Variants in ZNF609 observed in about 807,000 individuals in gnomAD.
ZNF609 encodes zinc finger protein 609.
In ZNF609, 11 loss-of-function variants were observed where a neutral mutation model predicts 109.5. That is an observed-to-expected ratio of 0.10 (90% CI 0.06 to 0.17). The LOEUF (loss-of-function observed/expected upper bound fraction) is 0.17. Among genes scored for constraint, ZNF609 ranks in the 10% least tolerant of loss-of-function variants. The pLI is 1.00. For missense variants in ZNF609, 1,559 were observed against 1,772.4 expected (o/e 0.88, Z 2.16); for synonymous variants, 646 against 662.0 (o/e 0.98, Z 0.37).
At chr15:64,612,296 C>T (rs532583944) in intron 2 of ZNF609, among the ~76,000 whole-genome samples, 20 of 151,762 alleles carry the variant, frequency 1.3e-4, no homozygotes, top group Middle Eastern at 3.4e-3. Flanking sequence ...TACAGGTGCC[C>T]GCCACCACGC....
intron 3 of ZNF609, among the ~76,000 whole-genome samples, chr15:64,646,054 A>G (rs1896329213): frequency 6.6e-6 from 1 of 152,214 alleles, no homozygotes; most frequent in African/African-American, 2.4e-5. Context: ...AGAATGGAAA[A>G]CAGATGTTCA....
At chr15:64,663,077 A>G (rs1896602382) in intron 3 of ZNF609, among the ~76,000 whole-genome samples, 1 of 152,266 alleles carries the variant, frequency 6.6e-6, no homozygotes, top group South Asian at 2.1e-4. Flanking sequence ...TTATACAGAG[A>G]AATGATAGGA....
intron 1 of ZNF609, among the ~76,000 whole-genome samples, chr15:64,487,364 G>A (rs1370460245): frequency 6.6e-6 from 1 of 152,058 alleles, no homozygotes; most frequent in East Asian, 1.9e-4. Context: ...CTTGTTCATA[G>A]GTATTTATTT....
At chr15:64,590,080 GTCC>G (rs1281856371) in intron 2 of ZNF609, among the ~76,000 whole-genome samples, 11 of 152,076 alleles carry the variant, frequency 7.2e-5, no homozygotes, top group Non-Finnish European at 1.2e-4. Flanking sequence ...ACTGCACATG[GTCC>G]TCATTTATGA....
chr15:64,492,768 T>G (rs1893431987), intron 1 of ZNF609, among the ~76,000 whole-genome samples: 2 of 152,174 alleles, frequency 1.3e-5, no homozygotes, highest in Non-Finnish European at 2.9e-5. Context: ...AATGAGAAAA[T>G]ACTTAATGAA....
Position 64,678,124 on chromosome 15 carries a change from G to A in ZNF609, c.3411G>A (p.Glu1137=). Residue 1137 remains glutamate (E), a synonymous_variant, in exon 6 of 10, where the codon GAG becomes GAA. Transcript: ENST00000326648. The part of the protein sequence containing the change: ...DPILWYRQEA[E]PRMWTYVYPA... ...TTCTGTGATTGTTGTAGGAGGCAGA[G>A]CCCCGGATGTGGACATATGTTTATC... The A allele has an allele frequency of 6.2e-7, 1 of 1,612,650 alleles. No individual in the cohort carries two copies. The highest frequency in any genetic ancestry group is 8.5e-7 in the Non-Finnish European group (1 of 1,179,276).
At chr15:64,599,261 C>G (rs537898) in intron 2 of ZNF609, among the ~76,000 whole-genome samples, 1 of 130,454 alleles carries the variant, frequency 7.7e-6, no homozygotes, top group Non-Finnish European at 1.5e-5. Flanking sequence ...GCATTAATCT[C>G]TGCACCCTCC....
At position 64,683,408 on chromosome 15, in the gene ZNF609, A is replaced by C. The variant is rs1001670280; in HGVS notation, c.*1722A>C. The C allele has an allele frequency of 1.3e-5, 2 of 152,664 alleles. No homozygotes were observed. The highest frequency in any genetic ancestry group is 2.4e-5 in the African/African-American group (1 of 41,450). 9.5% of individuals were successfully genotyped at this position (152,664 alleles called of 1,614,324 possible). On this transcript the variant is annotated 3_prime_UTR_variant, in exon 10 of 10. Coordinates refer to ENST00000326648, the MANE Select transcript of ZNF609 (RefSeq NM_015042.2). Reference sequence around the variant, plus strand: ...TACACTTGAGAGGCTTAGGGTCACCATCTGCTCAAGAGGATCCCCTCTGAT... The same window carrying C: ...TACACTTGAGAGGCTTAGGGTCACCCTCTGCTCAAGAGGATCCCCTCTGAT...
intron 7 of ZNF609, 74 bp from the exon 8 acceptor site, chr15:64,680,572 T>TGC: frequency 7.5e-7 from 1 of 1,325,148 alleles, no homozygotes; most frequent in South Asian, 1.3e-5. Flanking sequence ...TGTGTGTGTG[T>TGC]GTGTGTGTGT....
At position 64,681,346 on chromosome 15, in the gene ZNF609, C is replaced by T; in HGVS notation, c.4200C>T (p.Gly1400=). 2 of 1,614,128 alleles carry T rather than the reference C, an allele frequency of 1.2e-6. No individual in the cohort carries two copies. Among genetic ancestry groups the T allele is most frequent in the South Asian group, 1.1e-5 (1 of 91,084 alleles). ...SSTAIVASQQ[G]STPSLYPPPR... is the part of the protein sequence containing the mutation. ...CAGCCATTGTTGCCAGCCAACAAGG[C>T]TCAACTCCCTCACTCTACCCACCCC... Residue 1400 remains glycine (G), a synonymous_variant, in exon 9 of 10, where the codon GGC becomes GGT. Transcript: ENST00000326648.
Position 64,675,303 on chromosome 15 carries a change from A to C in ZNF609, c.2449A>C (p.Thr817Pro). The C allele has an allele frequency of 6.2e-7, 1 of 1,613,852 alleles. No individual in the cohort carries two copies. Among genetic ancestry groups the C allele is most frequent in the Non-Finnish European group, 8.5e-7 (1 of 1,179,972 alleles). The change falls in exon 5 of 10, where the codon ACC becomes CCC. Residue 817 changes from threonine (T) to proline (P), a missense_variant. Thr to Pro is a conservative substitution (Grantham distance 38). Coordinates refer to ENST00000326648, the MANE Select transcript of ZNF609 (RefSeq NM_015042.2). ...IGGSSRLENT[T>P]PTQPLTPLHV... ...AGGCAGTAGCCGCCTTGAAAACACT[A>C]CCCCTACTCAGCCCCTGACTCCCTT...
chr15:64,669,473 A>G (rs1422879573), intron 3 of ZNF609, among the ~76,000 whole-genome samples: 1 of 152,220 alleles, frequency 6.6e-6, no homozygotes, highest in Non-Finnish European at 1.5e-5. Flanking sequence ...ATATTTGCAT[A>G]TATACATATA....
At chr15:64,613,327 A>G (rs1161230481) in intron 2 of ZNF609, among the ~76,000 whole-genome samples, 1 of 152,036 alleles carries the variant, frequency 6.6e-6, no homozygotes, top group Admixed American at 6.6e-5. Context: ...AACGAAGAAG[A>G]AGAAGAAAGA....
chr15:64,638,956 G>A (rs78323762), intron 3 of ZNF609, among the ~76,000 whole-genome samples: 7,695 of 151,846 alleles, frequency 0.051, 269 homozygotes, highest in African/African-American at 0.095. Context: ...TTCTCAATCA[G>A]CATGTTCAAG....
rs756124345 is a variant in ZNF609, at chr15:64,673,977, A to G, written c.1123A>G (p.Met375Val). Reference sequence around the variant, plus strand: ...CAATGGCCGGGGTAGAGGCAAACGCATGCGTCCCAACAGTAATACACCTGT... The same window carrying G: ...CAATGGCCGGGGTAGAGGCAAACGCGTGCGTCCCAACAGTAATACACCTGT... ...MRNGRGRGKR[M>V]RPNSNTPVNE... Residue 375 changes from methionine to valine, a missense_variant, in exon 5 of 10, where the codon ATG (methionine) becomes GTG (valine). Physicochemically the swap from Met to Val is conservative, Grantham distance 21 (BLOSUM62 1). Around this residue, in one of 4 missense-constraint regions of ZNF609, gnomAD observed 1,204 missense variants for 1,314.1 expected, o/e 0.92. Transcript: ENST00000326648. The G allele has an allele frequency of 6.8e-6, 11 of 1,614,202 alleles. No individual in the cohort carries two copies. Among genetic ancestry groups the G allele is most frequent in the Non-Finnish European group, 9.3e-6 (11 of 1,180,040 alleles).
At chr15:64,672,259 G>A (rs1222240956) in intron 4 of ZNF609, among the ~76,000 whole-genome samples, 2 of 149,064 alleles carry the variant, frequency 1.3e-5, no homozygotes, top group South Asian at 2.1e-4. Context: ...TGATCCTCCC[G>A]CCTCGGCCTC....
At chr15:64,540,573 T>G (rs1349382905) in intron 2 of ZNF609, among the ~76,000 whole-genome samples, 1 of 151,642 alleles carries the variant, frequency 6.6e-6, no homozygotes, top group African/African-American at 2.4e-5. Flanking sequence ...CCCAGCTAAT[T>G]TTTGTATTTT....
At position 64,633,939 on chromosome 15, in the gene ZNF609, A is replaced by G. The variant is rs1431976512; in HGVS notation, c.973+10887A>G. On this transcript the variant is annotated intron_variant, in intron 3 of 9. Coordinates refer to ENST00000326648, the MANE Select transcript of ZNF609 (RefSeq NM_015042.2). ...TACCAATCTCATGCCTCGTATAGCC[A>G]CCGTGCCTGGCCAAGGGTCTGAATG... is the stretch of plus-strand genomic sequence containing the variant. 3.9e-5 allele frequency among the ~76,000 whole-genome samples: 6 copies of G among 152,214 alleles called. No homozygotes were observed. In the East Asian group the frequency reaches 1.2e-3, roughly 29 times the overall value.
chr15:64,516,333 G>A (rs1389207788), intron 2 of ZNF609, among the ~76,000 whole-genome samples: 1 of 152,120 alleles, frequency 6.6e-6, no homozygotes, highest in Non-Finnish European at 1.5e-5. Flanking sequence ...CAGTCTTGCT[G>A]AGTTAAGCAG....
Sources: allele counts gnomAD v4.1 joint callset (sites outside exome capture counted in the v4.1 genomes callset), GRCh38; gene constraint gnomAD v4.1.1; regional missense constraint gnomAD v4.1.1; transcripts MANE v1.5; gene names NCBI Gene and HGNC (gene_info 2026-07-23, HGNC 2026-07-21).